SUCLG2: variants seen among roughly 807,000 people sequenced by gnomAD.
The protein encoded by SUCLG2 is succinate-CoA ligase GDP-forming subunit beta, also known as succinate--CoA ligase [GDP-forming] subunit beta, mitochondrial.
In SUCLG2, 42 loss-of-function variants were observed where a neutral mutation model predicts 47.9. The ratio of observed to expected loss-of-function variants is 0.88; its 90% CI spans 0.69 to 1.14. SUCLG2 has a LOEUF of 1.14. Among genes scored for constraint, SUCLG2 ranks in the 50% most tolerant of loss-of-function variants. SUCLG2 has a pLI of 0.00. For missense variants in SUCLG2, 571 were observed against 525.9 expected, an observed-to-expected ratio of 1.09 and a Z score of -0.84; for synonymous variants, 195 against 197.3, an observed-to-expected ratio of 0.99 and a Z score of 0.10.
chr3:67,438,151 A>C (rs1440324051), intron 9 of SUCLG2, among the ~76,000 whole-genome samples: 2 of 152,228 alleles, frequency 1.3e-5, no homozygotes, highest in East Asian at 3.8e-4. Context: ...AATGAAATTA[A>C]GGCAGAAATA....
intron 9 of SUCLG2, among the ~76,000 whole-genome samples, chr3:67,414,932 T>C (rs1396376492): frequency 6.6e-6 from 1 of 152,208 alleles, no homozygotes; most frequent in Admixed American, 6.5e-5. Flanking sequence ...CACAGCTCAT[T>C]GCAGACTTGA....
intron 1 of SUCLG2, among the ~76,000 whole-genome samples, chr3:67,632,372 G>A (rs903081091): frequency 7.9e-5 from 12 of 152,062 alleles, no homozygotes; most frequent in Admixed American, 2.0e-4. Context: ...TAGTAGAAGC[G>A]GGGTTTCATC....
intron 10 of SUCLG2, among the ~76,000 whole-genome samples, chr3:67,386,183 G>C (rs1288282043): frequency 6.6e-6 from 1 of 152,072 alleles, no homozygotes; most frequent in African/African-American, 2.4e-5. Flanking sequence ...CCGCCTCCCA[G>C]GTTCACGCCA....
intron 2 of SUCLG2, among the ~76,000 whole-genome samples, chr3:67,607,117 CTTTAT>C (rs1440027269): frequency 6.6e-6 from 1 of 152,174 alleles, no homozygotes; most frequent in Non-Finnish European, 1.5e-5. Context: ...ACGCACAACT[CTTTAT>C]TTTTAGTGGG....
chr3:67,478,146 C>A (rs1274099670), intron 9 of SUCLG2, among the ~76,000 whole-genome samples: 1 of 152,166 alleles, frequency 6.6e-6, no homozygotes, highest in African/African-American at 2.4e-5. Context: ...GCTAGCTCAA[C>A]AATGCCTGGC....
chr3:67,395,823 C>G (rs1702511996), intron 10 of SUCLG2, among the ~76,000 whole-genome samples: 1 of 152,190 alleles, frequency 6.6e-6, no homozygotes, highest in African/African-American at 2.4e-5. Context: ...CAAACTGTCT[C>G]TCAGACCACA....
At chr3:67,387,395 G>A (rs1702282643) in intron 10 of SUCLG2, among the ~76,000 whole-genome samples, 2 of 152,142 alleles carry the variant, frequency 1.3e-5, no homozygotes, top group South Asian at 4.1e-4. Context: ...CTTAAAGGGG[G>A]AAAGGTCTCT....
At chr3:67,511,325 G>A (rs543929243) in intron 6 of SUCLG2, among the ~76,000 whole-genome samples, 1 of 152,292 alleles carries the variant, frequency 6.6e-6, no homozygotes, top group African/African-American at 2.4e-5. Flanking sequence ...GTATCTCACT[G>A]GTATGGTTGG....
intron 9 of SUCLG2, among the ~76,000 whole-genome samples, chr3:67,470,884 C>T (rs529288078): frequency 6.6e-6 from 1 of 152,270 alleles, no homozygotes; most frequent in African/African-American, 2.4e-5. Flanking sequence ...CTATCCTTGC[C>T]CTACAAACCA....
intron 9 of SUCLG2, among the ~76,000 whole-genome samples, chr3:67,485,238 T>A (rs1705021354): frequency 6.6e-6 from 1 of 152,196 alleles, no homozygotes; most frequent in Non-Finnish European, 1.5e-5. Context: ...TTGTATAAAA[T>A]ACATAAAAAA....
chr3:67,510,823 A>G (rs1385574549), intron 6 of SUCLG2, among the ~76,000 whole-genome samples: 5 of 152,076 alleles, frequency 3.3e-5, no homozygotes, highest in East Asian at 3.8e-4. Context: ...TGTAGGATAA[A>G]TTACCCAGAG....
At chr3:67,433,254 T>C (rs528030232) in intron 9 of SUCLG2, among the ~76,000 whole-genome samples, 11 of 152,270 alleles carry the variant, frequency 7.2e-5, no homozygotes, top group Non-Finnish European at 1.3e-4. Context: ...AACCACTTCA[T>C]ATGGCTTCCC....
At chr3:67,600,473 G>C (rs1020567936) in intron 2 of SUCLG2, among the ~76,000 whole-genome samples, 2 of 152,160 alleles carry the variant, frequency 1.3e-5, no homozygotes, top group African/African-American at 2.4e-5. Flanking sequence ...CAAGTAAATT[G>C]TGGTTTAGGG....
At chr3:67,650,336 C>T (rs1701264786) in intron 1 of SUCLG2, among the ~76,000 whole-genome samples, 1 of 152,212 alleles carries the variant, frequency 6.6e-6, no homozygotes, top group African/African-American at 2.4e-5. Flanking sequence ...TAGGCTGGAG[C>T]CATTCTTTCT....
rs572684010 is a variant in SUCLG2, at chr3:67,377,432, G to C, written c.1184-1573C>G. 6.5e-4 allele frequency among the ~76,000 whole-genome samples: 99 copies of C among 152,290 alleles called. 4 individuals are homozygous for C. In the South Asian group the frequency reaches 0.019, roughly 29 times the overall value. On this transcript the variant is annotated intron_variant, in intron 10 of 10. Coordinates refer to ENST00000307227, the MANE Select transcript of SUCLG2 (RefSeq NM_003848.4). The stretch of plus-strand genomic sequence containing the variant: ...AGACTCCTGCTCCTCTTCTGCAGTA[G>C]AGTGCTATTGCTGGAAAGCAGCTGC...
chr3:67,529,958 C>A (rs1263371030), intron 2 of SUCLG2, among the ~76,000 whole-genome samples: 1 of 152,148 alleles, frequency 6.6e-6, no homozygotes, highest in Admixed American at 6.5e-5. Context: ...CAGGGTAGCT[C>A]CCCTCCCCAA....
chr3:67,495,894 A>G lies in SUCLG2; in HGVS notation c.966T>C (p.Leu322=). Residue 322 remains leucine, a synonymous_variant, in exon 9 of 11, where the codon CTT becomes CTC. Coordinates refer to ENST00000307227, the MANE Select transcript of SUCLG2 (RefSeq NM_003848.4). ...AGAAGTTGGCTGGCTTCCCACCATTAAGGAAAATGATATCACAAGTAGCCA... is the reference window on the plus strand; with the variant it reads ...AGAAGTTGGCTGGCTTCCCACCATTGAGGAAAATGATATCACAAGTAGCCA... ...LAMATCDIIF[L]NGGKPANFLD... is the part of the protein sequence containing the mutation. 1 of 1,614,046 alleles carries G rather than the reference A, an allele frequency of 6.2e-7. No homozygotes were observed. Among genetic ancestry groups the G allele is most frequent in the Non-Finnish European group, 8.5e-7 (1 of 1,179,982 alleles).
At chr3:67,507,530 G>GA (rs11425840) in intron 7 of SUCLG2, among the ~76,000 whole-genome samples, 3,263 of 123,212 alleles carry the variant, frequency 0.026, 99 homozygotes, top group African/African-American at 0.083. Context: ...TGAAAAGATT[G>GA]AAAAAAAAAA....
chr3:67,513,469 C>A (rs1047779825), intron 6 of SUCLG2, among the ~76,000 whole-genome samples: 2 of 152,202 alleles, frequency 1.3e-5, no homozygotes, highest in Non-Finnish European at 2.9e-5. Flanking sequence ...CCAAACCAAG[C>A]TGGTTCTCCC....
Sources: allele counts gnomAD v4.1 joint callset (sites outside exome capture counted in the v4.1 genomes callset), GRCh38; gene constraint gnomAD v4.1.1; transcripts MANE v1.5; gene names NCBI Gene and HGNC (gene_info 2026-07-23, HGNC 2026-07-21).